ZCCHC14: variants seen among roughly 807,000 people sequenced by gnomAD.
ZCCHC14 encodes zinc finger CCHC-type containing 14.
ZCCHC14 carries 16 observed loss-of-function variants against 85.0 expected under a neutral mutation model. The observed-to-expected ratio is 0.19, with a 90% CI of 0.13 to 0.29. ZCCHC14 has a LOEUF of 0.29. Among genes scored for constraint, ZCCHC14 ranks in the 10% least tolerant of loss-of-function variants. ZCCHC14 has a pLI of 1.00. For synonymous variants in ZCCHC14, 775 were observed against 630.7 expected, an observed-to-expected ratio of 1.23 and a Z score of -3.43; for missense variants, 1,303 against 1,443.5, an observed-to-expected ratio of 0.90 and a Z score of 1.58.
rs150936001 is a variant in ZCCHC14 at position 87,463,389 on chromosome 16, A to G, written c.571-3258T>C. On this transcript the variant is annotated intron_variant, in intron 1 of 12. Transcript: ENST00000671377. ...AGCGAGACCCTGTCTCAAGAAAACA[A>G]AAGAAATATAACCACAGCAGAGCCC... Among the ~76,000 whole-genome samples the G allele has an allele frequency of 3.2e-4, 49 of 152,326 alleles. 2 individuals carry two copies. The East Asian group carries it at 6.8e-3, about 21-fold the overall frequency.
intron 1 of ZCCHC14, among the ~76,000 whole-genome samples, chr16:87,462,839 G>C (rs950014256): frequency 6.6e-6 from 1 of 152,142 alleles, no homozygotes; most frequent in Non-Finnish European, 1.5e-5. Context: ...GGAGGCCGAG[G>C]CAGGCAGATC....
chr16:87,454,362 A>T (rs1910848951), intron 2 of ZCCHC14, among the ~76,000 whole-genome samples: 1 of 152,230 alleles, frequency 6.6e-6, no homozygotes, highest in South Asian at 2.1e-4. Flanking sequence ...CAGACAAACC[A>T]TTCCAAACCA....
chr16:87,477,760 GC>G (rs1044495287), intron 1 of ZCCHC14, among the ~76,000 whole-genome samples: 1 of 151,462 alleles, frequency 6.6e-6, no homozygotes, highest in Admixed American at 6.6e-5. Flanking sequence ...ACACCGCCAC[GC>G]CCCCACCGCA....
chr16:87,414,564 A>G, intron 9 of ZCCHC14, 23 bp from the exon 10 acceptor site: 1 of 1,601,790 alleles, frequency 6.2e-7, no homozygotes, highest in South Asian at 1.1e-5. Context: ...CAAGCACAGG[A>G]ACAAGTGAGC....
chr16:87,424,598 G>A lies in ZCCHC14; in HGVS notation c.769-717C>T, dbSNP rs562892896. On this transcript the variant is annotated intron_variant, in intron 3 of 12. Transcript: ENST00000671377. ...TCCCCACATGCACGCTAAGCTCCAG[G>A]GGGGAAGGGGCGGTGTCTTTTTGCT... 5.3e-4 allele frequency among the ~76,000 whole-genome samples: 80 copies of A among 152,290 alleles called. 3 individuals are homozygous for A. Among genetic ancestry groups the A allele is most frequent in the Non-Finnish European group, 3.7e-4 (25 of 68,022 alleles).
At chr16:87,438,748 C>A (rs1181424029) in intron 2 of ZCCHC14, among the ~76,000 whole-genome samples, 1 of 152,212 alleles carries the variant, frequency 6.6e-6, no homozygotes, top group South Asian at 2.1e-4. Flanking sequence ...CGGTCTTCCT[C>A]CTGCTTGGGG....
chr16:87,413,073 C>T lies in ZCCHC14; in HGVS notation c.1726G>A (p.Ala576Thr), dbSNP rs771971133. ...VQAREESSDS[A>T]EENDRRVEIH... ...CCCTTACGTCTGTCATTCTCCTCAG[C>T]GCTGTCGGAGCTCTCTTCCCGGGCC... The change falls in exon 11 of 13, where the codon GCT becomes ACT. Residue 576 changes from alanine to threonine, a missense_variant. Physicochemically the swap from Ala to Thr is moderately conservative, Grantham distance 58 (BLOSUM62 0). Transcript: ENST00000671377. 6 of 1,614,156 alleles carry T rather than the reference C, an allele frequency of 3.7e-6. No homozygotes were observed. The highest frequency in any genetic ancestry group is 2.2e-5 in the East Asian group (1 of 44,878).
intron 4 of ZCCHC14, among the ~76,000 whole-genome samples, chr16:87,421,793 C>T (rs138711826): frequency 6.6e-6 from 1 of 152,140 alleles, no homozygotes; most frequent in Non-Finnish European, 1.5e-5. Context: ...CTTCATCCTG[C>T]CCAGATGGCC....
At chr16:87,476,139 C>T (rs940865457) in intron 1 of ZCCHC14, among the ~76,000 whole-genome samples, 9 of 152,134 alleles carry the variant, frequency 5.9e-5, no homozygotes, top group East Asian at 1.9e-4. Flanking sequence ...TTCAATAGCA[C>T]GGGTGAAAGC....
intron 1 of ZCCHC14, among the ~76,000 whole-genome samples, chr16:87,463,315 G>C (rs562780602): frequency 1.3e-5 from 2 of 152,262 alleles, no homozygotes; most frequent in East Asian, 3.9e-4. Context: ...CCAGGAGTTT[G>C]AAGCTGCAGT....
At chr16:87,468,003 C>G (rs776398765) in intron 1 of ZCCHC14, among the ~76,000 whole-genome samples, 5 of 152,120 alleles carry the variant, frequency 3.3e-5, no homozygotes, top group Non-Finnish European at 7.4e-5. Context: ...TCCCAAAGTA[C>G]TGGGATTACA....
chr16:87,432,627 C>T (rs1206130591), intron 3 of ZCCHC14, among the ~76,000 whole-genome samples: 1 of 152,144 alleles, frequency 6.6e-6, no homozygotes, highest in Non-Finnish European at 1.5e-5. Flanking sequence ...AAATGGGCTT[C>T]TGGCCATCTC....
intron 3 of ZCCHC14, among the ~76,000 whole-genome samples, chr16:87,425,620 G>A (rs190815960): frequency 5.0e-4 from 76 of 151,668 alleles, no homozygotes; most frequent in African/African-American, 1.8e-3. Context: ...AAAAGAAAAT[G>A]TTTGAGCTCC....
In ZCCHC14 at chr16:87,411,963, G is replaced by C. The variant is rs778817305; in HGVS notation, c.2758C>G (p.Pro920Ala). The C allele has an allele frequency of 5.0e-6, 8 of 1,603,334 alleles. No individual in the cohort carries two copies. The highest frequency in any genetic ancestry group is 6.8e-6 in the Non-Finnish European group (8 of 1,176,038). ...CAGGACGTGCACACAATGCAGCCTG[G>C]CGGGGGTGGGGCGGGCTGCGGGGGT... ...PAPPQPAPPP[P>A]GCIVCTSCGC... The change falls in exon 12 of 13, where the codon CCA (proline) becomes GCA (alanine). Residue 920 changes from proline to alanine, a missense_variant. Pro to Ala is a conservative substitution (Grantham distance 27). This residue lies in a region of ZCCHC14 where 797 missense variants were observed against 730.8 expected (regional missense o/e 1.09). Coordinates refer to ENST00000671377, the MANE Select transcript of ZCCHC14 (RefSeq NM_015144.3).
At chr16:87,444,739 G>T (rs531913430) in intron 2 of ZCCHC14, among the ~76,000 whole-genome samples, 3 of 152,296 alleles carry the variant, frequency 2.0e-5, no homozygotes, top group African/African-American at 7.2e-5. Context: ...TCCGGGTCAT[G>T]AAAGACAAGG....
chr16:87,419,762 A>C, intron 6 of ZCCHC14, 21 bp downstream of exon 6: 1 of 1,555,046 alleles, frequency 6.4e-7, no homozygotes, highest in Non-Finnish European at 8.7e-7. Context: ...ATTTATATTT[A>C]ACCATATTTT....
intron 1 of ZCCHC14, chr16:87,471,015 T>C (rs1911748987): frequency 1.3e-5 from 2 of 152,058 alleles, no homozygotes; most frequent in African/African-American, 2.4e-5. Context: ...AGCAAGCTTC[T>C]AAAACCATAA....
At chr16:87,442,664 G>A (rs571519780) in intron 2 of ZCCHC14, among the ~76,000 whole-genome samples, 1 of 152,156 alleles carries the variant, frequency 6.6e-6, no homozygotes, top group Non-Finnish European at 1.5e-5. Context: ...GAAGCTCAAT[G>A]AGCTTATCCA....
intron 2 of ZCCHC14, among the ~76,000 whole-genome samples, chr16:87,458,925 C>T (rs1448437144): frequency 2.0e-5 from 3 of 152,190 alleles, no homozygotes; most frequent in Admixed American, 6.5e-5. Flanking sequence ...CCACTACTGA[C>T]GATTCTGCAA....
Sources: gnomAD v4.1 joint callset for allele counts (sites outside exome capture counted in the v4.1 genomes callset) on GRCh38, gnomAD v4.1.1 for gene constraint, gnomAD v4.1.1 regional missense constraint, MANE v1.5 for transcripts, NCBI Gene and HGNC (gene_info 2026-07-23, HGNC 2026-07-21) for gene names.